Variants in SLC31A1 observed in about 807,000 individuals in gnomAD.
SLC31A1 encodes solute carrier family 31 member 1, also known as high affinity copper uptake protein 1.
In SLC31A1, 5 loss-of-function variants were observed where a neutral mutation model predicts 17.2. The observed-to-expected ratio is 0.29, with a 90% CI of 0.15 to 0.61. SLC31A1 has a LOEUF of 0.61. Among genes scored for constraint, SLC31A1 ranks in the 20% least tolerant of loss-of-function variants. The pLI is 0.86. For missense variants in SLC31A1, 161 were observed against 241.4 expected (o/e 0.67, Z 2.21); for synonymous variants, 76 against 78.8 (o/e 0.96, Z 0.19).
intron 1 of SLC31A1, among the ~76,000 whole-genome samples, chr9:113,253,081 G>A (rs970571650): frequency 6.6e-6 from 1 of 151,110 alleles, no homozygotes; most frequent in East Asian, 2.0e-4. Flanking sequence ...AGCCTCCAGA[G>A]TAGCTGGGAC....
intron 1 of SLC31A1, among the ~76,000 whole-genome samples, chr9:113,226,155 TAAAG>T (rs370444828): frequency 2.5e-4 from 37 of 147,094 alleles, no homozygotes; most frequent in African/African-American, 6.8e-4. Flanking sequence ...AAAAAAGAAA[TAAAG>T]AAAGCAAAGT....
In SLC31A1 at chr9:113,260,622, A is replaced by G; in HGVS notation, c.*149A>G. 1 of 655,252 alleles carries G rather than the reference A, an allele frequency of 1.5e-6. No individual in the cohort carries two copies. The highest frequency in any genetic ancestry group is 3.1e-5 in the East Asian group (1 of 32,526). The allele number at this position is 655,252 out of a possible 1,614,324, so 40.6% of individuals were successfully genotyped here. A position where few individuals can be genotyped will look rare whatever the true frequency, so the allele number is the denominator to read the frequency against. ...ACACACACACACACACCCCTGCTCA[A>G]CAGAGGTTTAGTTTACAGTCTCTGA... On this transcript the variant is annotated 3_prime_UTR_variant, in exon 5 of 5. Coordinates refer to ENST00000374212, the MANE Select transcript of SLC31A1 (RefSeq NM_001859.4).
intron 1 of SLC31A1, among the ~76,000 whole-genome samples, chr9:113,239,980 T>C (rs1831504055): frequency 6.6e-6 from 1 of 152,230 alleles, no homozygotes; most frequent in South Asian, 2.1e-4. Flanking sequence ...CTTGATCCCT[T>C]ATTTCTTCTC....
chr9:113,259,955 C>T (rs934121567), intron 4 of SLC31A1, among the ~76,000 whole-genome samples: 12 of 152,074 alleles, frequency 7.9e-5, no homozygotes, highest in African/African-American at 2.2e-4. Context: ...GGCAGATGAG[C>T]GTGAGAGGGT....
At chr9:113,222,033 C>T (rs976432021) in intron 1 of SLC31A1, among the ~76,000 whole-genome samples, 6 of 152,172 alleles carry the variant, frequency 3.9e-5, no homozygotes, top group Non-Finnish European at 5.9e-5. Context: ...AACTAAGCAC[C>T]CGGGTGACTA....
chr9:113,249,252 G>T (rs1831618635), intron 1 of SLC31A1, among the ~76,000 whole-genome samples: 1 of 138,152 alleles, frequency 7.2e-6, no homozygotes. Context: ...CTCCAGTATT[G>T]AACGATTTTG....
At chr9:113,248,027 C>A (rs1023498764) in intron 1 of SLC31A1, among the ~76,000 whole-genome samples, 1 of 152,050 alleles carries the variant, frequency 6.6e-6, no homozygotes, top group Non-Finnish European at 1.5e-5. Flanking sequence ...CCTTAATGAT[C>A]CAAGAAGATG....
At chr9:113,225,142 C>T (rs1466226360) in intron 1 of SLC31A1, among the ~76,000 whole-genome samples, 2 of 152,212 alleles carry the variant, frequency 1.3e-5, no homozygotes, top group African/African-American at 2.4e-5. Context: ...TTGATAAGCA[C>T]ACTTCACAGA....
At chr9:113,240,773 G>A (rs970588277) in intron 1 of SLC31A1, among the ~76,000 whole-genome samples, 9 of 152,188 alleles carry the variant, frequency 5.9e-5, no homozygotes, top group African/African-American at 2.2e-4. Context: ...TGAGGGGCCA[G>A]GCACGGTGGC....
chr9:113,222,651 C>T (rs59987461), intron 1 of SLC31A1, among the ~76,000 whole-genome samples: 9,504 of 152,214 alleles, frequency 0.062, 654 homozygotes, highest in East Asian at 0.34. Context: ...TAGCTCCCTC[C>T]CAGAGAACTT....
At chr9:113,244,077 C>T (rs1173523148) in intron 1 of SLC31A1, among the ~76,000 whole-genome samples, 1 of 150,360 alleles carries the variant, frequency 6.7e-6, no homozygotes, top group African/African-American at 2.5e-5. Flanking sequence ...ATCGCTTGAA[C>T]CCAGGAGGCG....
rs914185395 is a variant in SLC31A1 at position 113,252,761 on chromosome 9, C to A, written c.-35-3353C>A. Among the ~76,000 whole-genome samples the A allele has an allele frequency of 2.6e-5, 4 of 152,248 alleles. No individual in the cohort carries two copies. The East Asian group carries it at 7.7e-4, about 29-fold the overall frequency. On this transcript the variant is annotated intron_variant, in intron 1 of 4. Transcript: ENST00000374212. ...TTAAGAAGGCACTCTTGCAAATATT[C>A]ATTCCCTCCTCCTGACCAGGATTCA...
chr9:113,256,619 T>C, intron 2 of SLC31A1: 1 of 265,448 alleles, frequency 3.8e-6, no homozygotes, highest in Non-Finnish European at 7.3e-6. Context: ...CCCAACACTT[T>C]GGGAGGCCAA....
chr9:113,245,797 A>G (rs757273853), intron 1 of SLC31A1, among the ~76,000 whole-genome samples: 2 of 151,718 alleles, frequency 1.3e-5, no homozygotes, highest in Non-Finnish European at 2.9e-5. Flanking sequence ...ACACCTGGCT[A>G]ACTTTTTTGT....
At chr9:113,242,980 C>T (rs17763351) in intron 1 of SLC31A1, among the ~76,000 whole-genome samples, 9,265 of 151,818 alleles carry the variant, frequency 0.061, 340 homozygotes, top group African/African-American at 0.086. Flanking sequence ...GTAAATTTGG[C>T]GAGAAAATGT....
intron 1 of SLC31A1, among the ~76,000 whole-genome samples, chr9:113,253,044 C>T (rs1368705415): frequency 6.6e-6 from 1 of 150,990 alleles, no homozygotes; most frequent in African/African-American, 2.4e-5. Context: ...AGCTCCGCCT[C>T]CCGGGTTCAC....
In SLC31A1 at chr9:113,243,870, C is replaced by T. The variant is rs117847977; in HGVS notation, c.-35-12244C>T. Among the ~76,000 whole-genome samples the T allele has an allele frequency of 9.8e-3, 1,494 of 152,176 alleles. 57 individuals carry two copies. The highest frequency in any genetic ancestry group is 0.085 in the East Asian group (441 of 5,158). On this transcript the variant is annotated intron_variant, in intron 1 of 4. Coordinates refer to ENST00000374212, the MANE Select transcript of SLC31A1 (RefSeq NM_001859.4). Reference sequence around the variant, plus strand: ...TTTATGAGTAAAGAAGCTATTCCTACTGGCCAAGCGCAGTGGCTCACGCCT... The same window carrying T: ...TTTATGAGTAAAGAAGCTATTCCTATTGGCCAAGCGCAGTGGCTCACGCCT...
At chr9:113,241,763 T>G (rs191669857) in intron 1 of SLC31A1, among the ~76,000 whole-genome samples, 3 of 152,324 alleles carry the variant, frequency 2.0e-5, no homozygotes, top group African/African-American at 7.2e-5. Flanking sequence ...CTGCAGTTGA[T>G]AAAGATGAGA....
At chr9:113,237,284 G>T (rs935572875) in intron 1 of SLC31A1, among the ~76,000 whole-genome samples, 44 of 152,268 alleles carry the variant, frequency 2.9e-4, no homozygotes, top group African/African-American at 1.1e-3. Flanking sequence ...CTGGAGGGGG[G>T]TAACGATTAG....
Sources: allele counts gnomAD v4.1 joint callset (sites outside exome capture counted in the v4.1 genomes callset), GRCh38; gene constraint gnomAD v4.1.1; transcripts MANE v1.5; gene names NCBI Gene and HGNC (gene_info 2026-07-23, HGNC 2026-07-21).